The following KIF26B variants were observed in gnomAD, a reference collection of about 807,000 sequenced individuals.
KIF26B encodes kinesin-like protein KIF26B.
KIF26B carries 63 observed loss-of-function variants against 151.2 expected under a neutral mutation model. The observed-to-expected ratio is 0.42, with a 90% confidence interval of 0.34 to 0.51. The LOEUF (loss-of-function observed/expected upper bound fraction) is 0.51. KIF26B is among the 20% of genes least tolerant of loss of function. KIF26B has a pLI of 0.07. For synonymous variants in KIF26B, 1,357 were observed against 1,262.1 expected, an observed-to-expected ratio of 1.08 and a Z score of -1.59; for missense variants, 2,813 against 2,913.6, an observed-to-expected ratio of 0.97 and a Z score of 0.79.
At chr1:245,159,911 G>T (rs542222173) in intron 2 of KIF26B, among the ~76,000 whole-genome samples, 3 of 152,310 alleles carry the variant, frequency 2.0e-5, no homozygotes, top group Non-Finnish European at 4.4e-5. Flanking sequence ...TAACGGAGTG[G>T]GTGATAGTGT....
chr1:245,401,607 G>A lies in KIF26B; in HGVS notation c.1000-17972G>A, dbSNP rs61829650. On this transcript the variant is annotated intron_variant, in intron 3 of 14. Coordinates refer to ENST00000407071, the MANE Select transcript of KIF26B (RefSeq NM_018012.4). ...CAGCAGGCTGGGCGCGGTGGCTCAC[G>A]CCTGTAATCCCAGCAGTTTGGGAGG... Among the ~76,000 whole-genome samples the A allele has an allele frequency of 3.2e-3, 490 of 152,282 alleles. 2 individuals carry two copies. The highest frequency in any genetic ancestry group is 5.6e-3 in the Non-Finnish European group (380 of 68,018).
intron 9 of KIF26B, among the ~76,000 whole-genome samples, chr1:245,613,066 G>A (rs192979466): frequency 1.7e-3 from 262 of 152,294 alleles, no homozygotes; most frequent in African/African-American, 5.9e-3. Context: ...TGTGGGTAAC[G>A]GGGCTGCTGG....
At chr1:245,394,469 A>G (rs1360065109) in intron 3 of KIF26B, among the ~76,000 whole-genome samples, 2 of 152,030 alleles carry the variant, frequency 1.3e-5, no homozygotes, top group Non-Finnish European at 2.9e-5. Context: ...CTAAAAATAT[A>G]AAAATTAACC....
intron 2 of KIF26B, among the ~76,000 whole-genome samples, chr1:245,355,294 C>T (rs545125157): frequency 6.6e-6 from 1 of 152,242 alleles, no homozygotes; most frequent in East Asian, 1.9e-4. Context: ...TAGCTGCATC[C>T]CTGGCCTCTA....
chr1:245,226,440 CT>C (rs909456841), intron 2 of KIF26B, among the ~76,000 whole-genome samples: 1 of 151,770 alleles, frequency 6.6e-6, no homozygotes, highest in African/African-American at 2.4e-5. Flanking sequence ...AGTCTGTATT[CT>C]TGTGGAGGGT....
rs1200024499 is a variant in KIF26B at position 245,566,875 on chromosome 1, C to T, written c.1350+25925C>T. Among the ~76,000 whole-genome samples the T allele has an allele frequency of 4.6e-5, 7 of 152,204 alleles. No homozygotes were observed. The East Asian group carries it at 5.8e-4, about 13-fold the overall frequency. On this transcript the variant is annotated intron_variant, in intron 5 of 14. Coordinates refer to ENST00000407071, the MANE Select transcript of KIF26B (RefSeq NM_018012.4). Reference sequence around the variant, plus strand: ...CCGGGAGATGGAGGTTGCAGAAAGCCGAGATTGCACCACTGCACTCCAGCC... The same window carrying T: ...CCGGGAGATGGAGGTTGCAGAAAGCTGAGATTGCACCACTGCACTCCAGCC...
At chr1:245,186,945 C>T (rs886862715) in intron 2 of KIF26B, among the ~76,000 whole-genome samples, 2 of 152,102 alleles carry the variant, frequency 1.3e-5, no homozygotes, top group African/African-American at 2.4e-5. Flanking sequence ...CAACTTCCAC[C>T]TCCTGGATTC....
chr1:245,476,017 T>G (rs1660030824), intron 4 of KIF26B, among the ~76,000 whole-genome samples: 1 of 151,844 alleles, frequency 6.6e-6, no homozygotes. Context: ...CAAAGGTCTA[T>G]CCCTGATGCA....
At chr1:245,278,235 C>T (rs980554914) in intron 2 of KIF26B, among the ~76,000 whole-genome samples, 9 of 152,138 alleles carry the variant, frequency 5.9e-5, no homozygotes, top group African/African-American at 9.7e-5. Context: ...TGTATTGTTT[C>T]CCATGTGTCA....
At chr1:245,664,938 T>G (rs1392745592) in intron 10 of KIF26B, among the ~76,000 whole-genome samples, 2 of 152,336 alleles carry the variant, frequency 1.3e-5, no homozygotes, top group East Asian at 3.9e-4. Flanking sequence ...TTTTGATAAC[T>G]GTGGCTTCTG....
In KIF26B at chr1:245,704,601, T is replaced by C. The variant is rs1388616236; in HGVS notation, c.*1995T>C. ...ACTACAGTGAGAGGCTGCTCTGGCA[T>C]GGCTCGTTCTTCCTTCTGTGTATCT... On this transcript the variant is annotated 3_prime_UTR_variant, in exon 15 of 15. Transcript: ENST00000407071. 1 of 152,304 alleles carries C rather than the reference T, an allele frequency of 6.6e-6. No individual in the cohort carries two copies. The highest frequency in any genetic ancestry group is 6.5e-5 in the Admixed American group (1 of 15,286). The allele number at this position is 152,304 out of a possible 1,614,324, so 9.4% of individuals were successfully genotyped here.
chr1:245,679,448 T>TG lies in KIF26B; in HGVS notation c.2259-4785_2259-4784insG, dbSNP rs1396337016. Among the ~76,000 whole-genome samples the TG allele has an allele frequency of 7.1e-3, 741 of 104,184 alleles. 11 individuals carry two copies. Among genetic ancestry groups the TG allele is most frequent in the Non-Finnish European group, 0.011 (467 of 42,248 alleles). 68.3% of individuals were successfully genotyped at this position (104,184 alleles called of 152,430 possible). A position where few individuals can be genotyped will look rare whatever the true frequency, so the allele number is the denominator to read the frequency against. ...AAATCTGGGGGTTTTTTGTGTTTTT[T>TG]TTGTGTGTGTTTTTTTTTTTTTTTT... On this transcript the variant is annotated intron_variant, in intron 10 of 14. Transcript: ENST00000407071.
At chr1:245,570,820 T>C (rs2043060239) in intron 5 of KIF26B, among the ~76,000 whole-genome samples, 1 of 152,228 alleles carries the variant, frequency 6.6e-6, no homozygotes. Flanking sequence ...CTGAAATTGT[T>C]GTATTTTGTT....
chr1:245,682,099 G>A (rs2044446849), intron 10 of KIF26B, among the ~76,000 whole-genome samples: 1 of 152,160 alleles, frequency 6.6e-6, no homozygotes, highest in Non-Finnish European at 1.5e-5. Flanking sequence ...CAAAAAATTA[G>A]CTGGGTGTGG....
rs183497705 is a variant in KIF26B at position 245,324,506 on chromosome 1, G to A, written c.466-42328G>A. On this transcript the variant is annotated intron_variant, in intron 2 of 14. Transcript: ENST00000407071. ...GGAATCTCTGCAGAGAACATTTTCTGTACTGCAGGATGACAGAGGCTGTCG... is the reference window on the plus strand; with the variant it reads ...GGAATCTCTGCAGAGAACATTTTCTATACTGCAGGATGACAGAGGCTGTCG... Among the ~76,000 whole-genome samples, 27 of 152,330 alleles carry A rather than the reference G, an allele frequency of 1.8e-4. No individual in the cohort carries two copies. The East Asian group carries it at 5.0e-3, about 28-fold the overall frequency.
At chr1:245,204,929 C>T (rs1001388976) in intron 2 of KIF26B, among the ~76,000 whole-genome samples, 1 of 152,112 alleles carries the variant, frequency 6.6e-6, no homozygotes, top group South Asian at 2.1e-4. Flanking sequence ...CTCAGATGCA[C>T]ACCACCATTC....
intron 4 of KIF26B, among the ~76,000 whole-genome samples, chr1:245,498,497 G>A (rs552611765): frequency 3.3e-5 from 5 of 152,262 alleles, no homozygotes; most frequent in Admixed American, 2.0e-4. Flanking sequence ...AGTGAGGGGC[G>A]GGAGAGAGCC....
In KIF26B at chr1:245,155,227, C is replaced by A; in HGVS notation, c.-198C>A. The A allele has an allele frequency of 1.6e-6, 1 of 615,336 alleles. No homozygotes were observed. Among genetic ancestry groups the A allele is most frequent in the Non-Finnish European group, 2.8e-6 (1 of 351,108 alleles). The allele number at this position is 615,336 out of a possible 1,614,324, so 38.1% of individuals were successfully genotyped here. ...TTTGAAGAGAAGAATAAACCAGCGA[C>A]CCCAACCCTTTCTGCAAATTGGTGC... On this transcript the variant is annotated 5_prime_UTR_variant, in exon 1 of 15. Coordinates refer to ENST00000407071, the MANE Select transcript of KIF26B (RefSeq NM_018012.4).
At position 245,464,474 on chromosome 1, in the gene KIF26B, G is replaced by T. The variant is rs575218590; in HGVS notation, c.1166+44729G>T. 4.4e-3 allele frequency among the ~76,000 whole-genome samples: 645 copies of T among 146,436 alleles called. 5 individuals carry two copies. Among genetic ancestry groups the T allele is most frequent in the African/African-American group, 0.015 (613 of 39,702 alleles). ...GTGTGTATGTGTGCGTGCGCGTGTGGGGGTGTGTGCCCGTGGGTGTGTGTG... is the reference window on the plus strand; with the variant it reads ...GTGTGTATGTGTGCGTGCGCGTGTGTGGGTGTGTGCCCGTGGGTGTGTGTG... On this transcript the variant is annotated intron_variant, in intron 4 of 14. Coordinates refer to ENST00000407071, the MANE Select transcript of KIF26B (RefSeq NM_018012.4).
Sources: gnomAD v4.1 joint callset for allele counts (sites outside exome capture counted in the v4.1 genomes callset) on GRCh38, gnomAD v4.1.1 for gene constraint, MANE v1.5 for transcripts, NCBI Gene and HGNC (gene_info 2026-07-23, HGNC 2026-07-21) for gene names.